Variants in LRRK1 observed in about 807,000 individuals in gnomAD.
LRRK1 encodes the protein leucine rich repeat kinase 1.
Under a neutral mutation model 209.1 loss-of-function variants are expected in LRRK1, and 113 were observed. That is an observed-to-expected ratio of 0.54 (90% CI 0.46 to 0.63). The LOEUF is 0.63. Among genes scored for constraint, LRRK1 ranks in the 30% least tolerant of loss-of-function variants. LRRK1 has a pLI of 0.00. For synonymous variants in LRRK1, 1,144 were observed against 1,099.7 expected (o/e 1.04, Z -0.80); for missense variants, 2,284 against 2,632.2 (o/e 0.87, Z 2.89).
intron 28 of LRRK1, among the ~76,000 whole-genome samples, chr15:101,057,455 T>G (rs2035876662): frequency 6.6e-6 from 1 of 152,150 alleles, no homozygotes; most frequent in Non-Finnish European, 1.5e-5. Flanking sequence ...TGTTTTTGTG[T>G]TTTTGGAAGA....
At chr15:100,990,921 A>G (rs2032130018) in intron 6 of LRRK1, among the ~76,000 whole-genome samples, 1 of 152,066 alleles carries the variant, frequency 6.6e-6, no homozygotes, top group Non-Finnish European at 1.5e-5. Flanking sequence ...TTATTTCAGT[A>G]TTCTCCTGGA....
intron 1 of LRRK1, among the ~76,000 whole-genome samples, chr15:100,921,425 G>A (rs1281719261): frequency 6.6e-6 from 1 of 152,220 alleles, no homozygotes; most frequent in East Asian, 1.9e-4. Context: ...GATGCAAATA[G>A]CACTCAAGAG....
Position 101,076,042 on chromosome 15 carries a change from C to T in LRRK1, c.*7194C>T, listed in dbSNP as rs564618193. 1 of 151,072 alleles carries T rather than the reference C, an allele frequency of 6.6e-6. No homozygotes were observed. Among genetic ancestry groups the T allele is most frequent in the South Asian group, 2.1e-4 (1 of 4,774 alleles). The allele number at this position is 151,072 out of a possible 1,614,324, so 9.4% of individuals were successfully genotyped here. ...TCCGATTAATCTCCCAAACCCCAAC[C>T]CCTTCTACAAAACAAGAACTCCTTT... is the stretch of plus-strand genomic sequence containing the variant. On this transcript the variant is annotated 3_prime_UTR_variant, in exon 34 of 34. Transcript: ENST00000388948.
chr15:101,049,809 C>T, intron 23 of LRRK1, 26 bp downstream of exon 23: 1 of 1,602,616 alleles, frequency 6.2e-7, no homozygotes, highest in Non-Finnish European at 8.5e-7. Context: ...AGAAGCAAGC[C>T]CTCATTCATG....
At chr15:101,057,214 T>G (rs1335080687) in intron 28 of LRRK1, among the ~76,000 whole-genome samples, 164 bp downstream of exon 28, 1 of 152,226 alleles carries the variant, frequency 6.6e-6, no homozygotes, top group Non-Finnish European at 1.5e-5. Context: ...ATACCTACTT[T>G]CATTGTCTTT....
At chr15:101,023,284 C>G (rs1046711161) in intron 15 of LRRK1, among the ~76,000 whole-genome samples, 2 of 152,134 alleles carry the variant, frequency 1.3e-5, no homozygotes, top group Admixed American at 6.5e-5. Context: ...GAGCCGAGAT[C>G]ATGCCACTGC....
Position 101,024,806 on chromosome 15 carries a change from G to C in LRRK1, c.2071G>C (p.Glu691Gln), listed in dbSNP as rs2033946833. 6.8e-6 allele frequency: 11 copies of C among 1,612,874 alleles called. No individual in the cohort carries two copies. Among genetic ancestry groups the C allele is most frequent in the Non-Finnish European group, 9.3e-6 (11 of 1,179,006 alleles). ...CGCTGCCTTGTTGCTCAAGTAGGTT[G>C]AGTCCGTGGAGTTCAACGTCTGGGA... ...QRPAGSRAKV[E>Q]SVEFNVWDIG... Residue 691 changes from glutamate (E) to glutamine (Q), a missense_variant, in exon 16 of 34, where the codon GAG becomes CAG. Physicochemically the swap from Glu to Gln is conservative, Grantham distance 29. Transcript: ENST00000388948. This position sits in a 1 kb window ranked among gnomAD's most constrained non-coding sequence, Gnocchi z 4.6.
At chr15:100,928,405 T>TAGGAAAC (rs1254396359) in intron 2 of LRRK1, among the ~76,000 whole-genome samples, 4 of 152,196 alleles carry the variant, frequency 2.6e-5, no homozygotes, top group Non-Finnish European at 4.4e-5. Context: ...CCTGGGATGA[T>TAGGAAAC]AGGGAGCCCT....
rs2041987420 is a variant in LRRK1, at chr15:100,919,792, G to A, written c.-123+341G>A. On this transcript the variant is annotated intron_variant, in intron 1 of 33. Coordinates refer to ENST00000388948, the MANE Select transcript of LRRK1 (RefSeq NM_024652.6). The surrounding 1 kb of genome is among the most constrained non-coding windows in gnomAD (Gnocchi z 5.8). The stretch of plus-strand genomic sequence containing the variant: ...AGGGTCGGGAAAGCTGGGAAGCGGA[G>A]GCAAGAGACACGAGTCGGGAGACAC... Among the ~76,000 whole-genome samples, 1 of 152,148 alleles carries A rather than the reference G, an allele frequency of 6.6e-6. No homozygotes were observed. Among genetic ancestry groups the A allele is most frequent in the Admixed American group, 6.5e-5 (1 of 15,278 alleles).
intron 2 of LRRK1, among the ~76,000 whole-genome samples, chr15:100,934,075 A>T (rs1338844075): frequency 6.6e-6 from 1 of 151,950 alleles, no homozygotes; most frequent in African/African-American, 2.4e-5. Flanking sequence ...ATTTTTATTT[A>T]TTTATTTAAG....
intron 20 of LRRK1, among the ~76,000 whole-genome samples, chr15:101,042,714 C>G (rs1398783219): frequency 6.6e-6 from 1 of 152,246 alleles, no homozygotes; most frequent in East Asian, 1.9e-4. Flanking sequence ...CCTATCCTTA[C>G]AAGCAGGGTG....
chr15:101,024,687 GGTT>G lies in LRRK1; in HGVS notation c.2068-112_2068-110del. ...AATAGAGTGTCCAGAACTTTTCCAC[GGTT>G]GTTTTTTCAGACCCCCGAGTCCAGC... On this transcript the variant is annotated intron_variant, in intron 15 of 33. Coordinates refer to ENST00000388948, the MANE Select transcript of LRRK1 (RefSeq NM_024652.6). This position sits in a 1 kb window ranked among gnomAD's most constrained non-coding sequence, Gnocchi z 4.6. 8.9e-7 allele frequency: 1 copy of G among 1,120,408 alleles called. No homozygotes were observed. The highest frequency in any genetic ancestry group is 1.3e-6 in the Non-Finnish European group (1 of 774,940). 69.4% of individuals were successfully genotyped at this position (1,120,408 alleles called of 1,614,324 possible). A position where few individuals can be genotyped will look rare whatever the true frequency, so the allele number is the denominator to read the frequency against.
chr15:101,015,384 C>G lies in LRRK1; in HGVS notation c.1591C>G (p.Arg531Gly), dbSNP rs200499483. 59 of 1,613,234 alleles carry G rather than the reference C, an allele frequency of 3.7e-5. No homozygotes were observed. The highest frequency in any genetic ancestry group is 3.6e-5 in the Non-Finnish European group (43 of 1,179,562). ...IAFFTTRGRQ[R>G]SGTEAASVLE... is the part of the protein sequence containing the mutation. ...CTTTTTCACCACCAGAGGTCGCCAG[C>G]GCTCCGGGACTGAGGCAGGTGTGTG... The change falls in exon 12 of 34, where the codon CGC (arginine) becomes GGC (glycine). Residue 531 changes from arginine (R) to glycine (G), a missense_variant. Physicochemically the swap from Arg to Gly is moderately radical, Grantham distance 125 (BLOSUM62 -2). Coordinates refer to ENST00000388948, the MANE Select transcript of LRRK1 (RefSeq NM_024652.6).
Position 101,027,504 on chromosome 15 carries a change from G to T in LRRK1, c.2526+123G>T. ...GGCAAGGCTCGGTGGTTCCTGGTGA[G>T]GGAGGGTCAGGATGGAAGATAGTGG... On this transcript the variant is annotated intron_variant, in intron 18 of 33. Transcript: ENST00000388948. The surrounding 1 kb of genome is among the most constrained non-coding windows in gnomAD (Gnocchi z 5.1). 6.6e-7 allele frequency: 1 copy of T among 1,504,022 alleles called. No homozygotes were observed. Among genetic ancestry groups the T allele is most frequent in the South Asian group, 1.3e-5 (1 of 77,826 alleles). 93.2% of individuals were successfully genotyped at this position (1,504,022 alleles called of 1,614,324 possible). A position where few individuals can be genotyped will look rare whatever the true frequency, so the allele number is the denominator to read the frequency against.
At chr15:100,952,785 G>A (rs1160258052) in intron 2 of LRRK1, among the ~76,000 whole-genome samples, 1 of 152,166 alleles carries the variant, frequency 6.6e-6, no homozygotes, top group African/African-American at 2.4e-5. Flanking sequence ...TGATTAACCA[G>A]ACAATTAACT....
rs1008126687 is a variant in LRRK1, at chr15:101,076,274, C to T, written c.*7426C>T. On this transcript the variant is annotated 3_prime_UTR_variant, in exon 34 of 34. Coordinates refer to ENST00000388948, the MANE Select transcript of LRRK1 (RefSeq NM_024652.6). ...CACTCTCTACAGTTATCATAACTTCCAAAATCTATTTTCTTCCTCATACCT... is the reference window on the plus strand; with the variant it reads ...CACTCTCTACAGTTATCATAACTTCTAAAATCTATTTTCTTCCTCATACCT... The T allele has an allele frequency of 2.0e-5, 3 of 152,162 alleles. No homozygotes were observed. The highest frequency in any genetic ancestry group is 2.1e-4 in the South Asian group (1 of 4,828). The allele number at this position is 152,162 out of a possible 1,614,324, so 9.4% of individuals were successfully genotyped here.
chr15:101,044,883 T>G (rs1278885812), intron 20 of LRRK1, among the ~76,000 whole-genome samples: 1 of 152,206 alleles, frequency 6.6e-6, no homozygotes, highest in Non-Finnish European at 1.5e-5. Flanking sequence ...CAAGGACTTT[T>G]CAGATGTAAA....
chr15:100,963,280 T>C (rs754466481), intron 2 of LRRK1, among the ~76,000 whole-genome samples: 2 of 152,192 alleles, frequency 1.3e-5, no homozygotes, highest in African/African-American at 2.4e-5. Flanking sequence ...GATGGCCGCA[T>C]CCGAGCCCCT....
chr15:101,077,036 C>G lies in LRRK1; in HGVS notation c.*8188C>G, dbSNP rs1461297686. On this transcript the variant is annotated 3_prime_UTR_variant, in exon 34 of 34. Coordinates refer to ENST00000388948, the MANE Select transcript of LRRK1 (RefSeq NM_024652.6). Reference sequence around the variant, plus strand: ...CTTTATATCCCTTACAGTCCTCAGCCTTCAGGAAAGGTAGAACGGACTAAT... The same window carrying G: ...CTTTATATCCCTTACAGTCCTCAGCGTTCAGGAAAGGTAGAACGGACTAAT... 3 of 152,206 alleles carry G rather than the reference C, an allele frequency of 2.0e-5. No individual in the cohort carries two copies. The highest frequency in any genetic ancestry group is 6.5e-5 in the Admixed American group (1 of 15,278). 9.4% of individuals were successfully genotyped at this position (152,206 alleles called of 1,614,324 possible).
Sources: gnomAD v4.1 joint callset for allele counts (sites outside exome capture counted in the v4.1 genomes callset) on GRCh38, gnomAD v4.1.1 for gene constraint, Gnocchi (gnomAD v3.1) non-coding constraint, MANE v1.5 for transcripts, NCBI Gene and HGNC (gene_info 2026-07-23, HGNC 2026-07-21) for gene names.